Variants in MDH1 observed in about 807,000 individuals in gnomAD.
The protein encoded by MDH1 is malate dehydrogenase, cytoplasmic.
MDH1 carries 15 observed loss-of-function variants against 38.7 expected under a neutral mutation model. The ratio of observed to expected loss-of-function variants is 0.39; its 90% confidence interval spans 0.26 to 0.60. MDH1 has a LOEUF of 0.60. Among genes scored for constraint, MDH1 ranks in the 20% least tolerant of loss-of-function variants. The probability of loss-of-function intolerance (pLI) is 0.56; values close to 1 mark genes in which losing one functional copy is unlikely to be tolerated. For missense variants in MDH1, 368 were observed against 405.2 expected, an observed-to-expected ratio of 0.91 and a Z score of 0.79; for synonymous variants, 144 against 143.6, an observed-to-expected ratio of 1.00 and a Z score of -0.02.
At chr2:63,606,346 A>G (rs1376637862) in intron 8 of MDH1, among the ~76,000 whole-genome samples, 1 of 152,198 alleles carries the variant, frequency 6.6e-6, no homozygotes, top group Non-Finnish European at 1.5e-5. Context: ...GTACCCCTCC[A>G]CCAGGCAACA....
At chr2:63,594,412 T>A in intron 1 of MDH1, 76 bp from the exon 2 acceptor site, 1 of 1,079,376 alleles carries the variant, frequency 9.3e-7, no homozygotes, top group Non-Finnish European at 1.4e-6. Flanking sequence ...GTGGATTTCT[T>A]ACTATAGATT....
At chr2:63,590,462 C>T (rs1254944646) in intron 1 of MDH1, 1 of 152,182 alleles carries the variant, frequency 6.6e-6, no homozygotes, top group Admixed American at 6.5e-5. Flanking sequence ...TCCCTGAAAA[C>T]TTATTTTTAC....
At position 63,588,985 on chromosome 2, in the gene MDH1, G is replaced by A. The variant is rs1709079456; in HGVS notation, c.-59G>A. 5 of 1,613,820 alleles carry A rather than the reference G, an allele frequency of 3.1e-6. No individual in the cohort carries two copies. Among genetic ancestry groups the A allele is most frequent in the Admixed American group, 1.7e-5 (1 of 60,032 alleles). On this transcript the variant is annotated 5_prime_UTR_variant, in exon 1 of 9. Coordinates refer to ENST00000233114, the MANE Select transcript of MDH1 (RefSeq NM_005917.4). Reference sequence around the variant, plus strand: ...TCCGAGTCAGTTCCGCGGTAGAGGTGACCTGACTCTCTGAGGCTCATTTTG... The same window carrying A: ...TCCGAGTCAGTTCCGCGGTAGAGGTAACCTGACTCTCTGAGGCTCATTTTG...
At position 63,607,157 on chromosome 2, in the gene MDH1, C is replaced by A; in HGVS notation, c.*170C>A. The A allele has an allele frequency of 2.0e-6, 1 of 488,592 alleles. No homozygotes were observed. The highest frequency in any genetic ancestry group is 3.5e-6 in the Non-Finnish European group (1 of 287,300). The allele number at this position is 488,592 out of a possible 1,614,324, so 30.3% of individuals were successfully genotyped here. On this transcript the variant is annotated 3_prime_UTR_variant, in exon 9 of 9. Coordinates refer to ENST00000233114, the MANE Select transcript of MDH1 (RefSeq NM_005917.4). ...TTGTGAATGACAGTTTATCGTCATG[C>A]TGTTAGTGTGCATTCTAAATAAATA... is the stretch of plus-strand genomic sequence containing the variant.
chr2:63,593,880 G>T (rs1336467982), intron 1 of MDH1, among the ~76,000 whole-genome samples: 1 of 152,070 alleles, frequency 6.6e-6, no homozygotes, highest in African/African-American at 2.4e-5. Context: ...AGGAACTGTT[G>T]AAATCTCTGT....
In MDH1 at chr2:63,606,945, A is replaced by G. The variant is rs1271117230; in HGVS notation, c.963A>G (p.Thr321=). The G allele has an allele frequency of 1.2e-6, 2 of 1,612,902 alleles. No homozygotes were observed. Among genetic ancestry groups the G allele is most frequent in the Non-Finnish European group, 1.7e-6 (2 of 1,179,402 alleles). Residue 321 remains threonine (T), a synonymous_variant, in exon 9 of 9, where the codon ACA becomes ACG. Coordinates refer to ENST00000233114, the MANE Select transcript of MDH1 (RefSeq NM_005917.4). The part of the protein sequence containing the change: ...EKMDLTAKEL[T]EEKESAFEFL... ...TGGATCTTACTGCAAAGGAACTGAC[A>G]GAAGAAAAAGAAAGTGCTTTTGAAT...
chr2:63,594,636 T>G, intron 2 of MDH1, 50 bp downstream of exon 2: 6 of 1,308,162 alleles, frequency 4.6e-6, no homozygotes, highest in Non-Finnish European at 6.6e-6. Context: ...AGAATATGGT[T>G]AATAAAAATC....
At position 63,605,179 on chromosome 2, in the gene MDH1, G is replaced by T. The variant is rs1709502834; in HGVS notation, c.676-101G>T. On this transcript the variant is annotated intron_variant, in intron 6 of 8. Transcript: ENST00000233114. ...CATGATTTTGGAGGGGAAACATTAAGCTCTGGTCATAGCTTTTCACCCCAA... is the reference window on the plus strand; with the variant it reads ...CATGATTTTGGAGGGGAAACATTAATCTCTGGTCATAGCTTTTCACCCCAA... 20 of 773,918 alleles carry T rather than the reference G, an allele frequency of 2.6e-5. No individual in the cohort carries two copies. The South Asian group carries it at 2.9e-4, about 11-fold the overall frequency. The allele number at this position is 773,918 out of a possible 1,614,324, so 47.9% of individuals were successfully genotyped here. A position where few individuals can be genotyped will look rare whatever the true frequency, so the allele number is the denominator to read the frequency against.
intron 5 of MDH1, 126 bp from the exon 6 acceptor site, chr2:63,604,570 A>G (rs1472201390): frequency 9.4e-6 from 7 of 745,196 alleles, no homozygotes; most frequent in Non-Finnish European, 1.5e-5. Flanking sequence ...AAGTCAATAT[A>G]ACTCTTGTGT....
At chr2:63,606,772 T>TA (rs1192386906) in intron 8 of MDH1, 90 bp from the exon 9 acceptor site, 1 of 899,376 alleles carries the variant, frequency 1.1e-6, no homozygotes, top group Non-Finnish European at 1.6e-6. Flanking sequence ...TTTAAAACGA[T>TA]ATACCTCTAA....
chr2:63,602,934 C>CTTTTTTTTTTTTTTTTTTTTTT (rs370479356), intron 5 of MDH1, among the ~76,000 whole-genome samples: 3 of 131,532 alleles, frequency 2.3e-5, no homozygotes, highest in African/African-American at 5.4e-5. Flanking sequence ...TTTAACCGTT[C>CTTTTTTTTTTTTTTTTTTTTTT]TTTTTTTTTT....
At position 63,594,584 on chromosome 2, in the gene MDH1, C is replaced by G. The variant is rs1332189707; in HGVS notation, c.100C>G (p.Gln34Glu). 1 of 1,590,760 alleles carries G rather than the reference C, an allele frequency of 6.3e-7. No individual in the cohort carries two copies. ...IGNGSVFGKD[Q>E]PIILVLLDIT... ...AAATGGATCTGTCTTTGGTAAAGAT[C>G]AGGTAGGAACAGGTGTCTATAAATC... Residue 34 changes from glutamine to glutamate, a missense_variant and splice_region_variant, in exon 2 of 9, where the codon CAG becomes GAG. Physicochemically the swap from Gln to Glu is conservative, Grantham distance 29. Coordinates refer to ENST00000233114, the MANE Select transcript of MDH1 (RefSeq NM_005917.4).
chr2:63,591,582 C>A (rs948996235), intron 1 of MDH1, among the ~76,000 whole-genome samples: 2 of 152,220 alleles, frequency 1.3e-5, no homozygotes, highest in African/African-American at 2.4e-5. Flanking sequence ...AGATAGTGAT[C>A]TTCACTCTCT....
chr2:63,600,387 A>G (rs1709395973), intron 5 of MDH1, among the ~76,000 whole-genome samples: 1 of 152,146 alleles, frequency 6.6e-6, no homozygotes, highest in South Asian at 2.1e-4. Flanking sequence ...ACAGCTCATA[A>G]ATTACGGAGC....
At chr2:63,591,738 A>G (rs10173604) in intron 1 of MDH1, among the ~76,000 whole-genome samples, 29 of 152,222 alleles carry the variant, frequency 1.9e-4, no homozygotes, top group Admixed American at 8.5e-4. Flanking sequence ...AGAGCGCTTC[A>G]TGGCCTAATA....
At chr2:63,597,138 G>A in intron 3 of MDH1, 1 of 327,424 alleles carries the variant, frequency 3.1e-6, no homozygotes, top group Non-Finnish European at 4.4e-6. Context: ...CATCATATAT[G>A]ATTATAAAAG....
At position 63,591,738 on chromosome 2, in the gene MDH1, A is replaced by T. The variant is rs10173604; in HGVS notation, c.3+2692A>T. On this transcript the variant is annotated intron_variant, in intron 1 of 8. Transcript: ENST00000233114. ...GACAGACTGTTCTCAAGAGCGCTTC[A>T]TGGCCTAATACAGAGCAACAGAAAT... Among the ~76,000 whole-genome samples, 118 of 152,340 alleles carry T rather than the reference A, an allele frequency of 7.7e-4. No homozygotes were observed. The Middle Eastern group carries it at 0.01, about 13-fold the overall frequency.
chr2:63,589,360 T>TA (rs1709103349), intron 1 of MDH1: 2 of 1,550,626 alleles, frequency 1.3e-6, no homozygotes, highest in Non-Finnish European at 8.7e-7. Flanking sequence ...CAAAGGACGT[T>TA]ACGGTGTTTG....
chr2:63,601,120 C>T (rs1348089153), intron 5 of MDH1, among the ~76,000 whole-genome samples: 1 of 152,210 alleles, frequency 6.6e-6, no homozygotes, highest in Admixed American at 6.5e-5. Context: ...CACTTGGGGA[C>T]ATGTTCTTTG....
Sources: gnomAD v4.1 joint callset for allele counts (sites outside exome capture counted in the v4.1 genomes callset) on GRCh38, gnomAD v4.1.1 for gene constraint, MANE v1.5 for transcripts, NCBI Gene and HGNC (gene_info 2026-07-23, HGNC 2026-07-21) for gene names.